WDR11: variants seen among roughly 807,000 people sequenced by gnomAD.
The protein encoded by WDR11 is WD repeat domain 11.
A neutral mutation model predicts 151.2 loss-of-function variants in WDR11; 83 were observed. That is an observed-to-expected ratio of 0.55 (90% CI 0.46 to 0.66). The LOEUF is 0.66. Among genes scored for constraint, WDR11 ranks in the 30% least tolerant of loss-of-function variants. The pLI is 0.00. For synonymous variants in WDR11, 484 were observed against 533.1 expected (o/e 0.91, Z 1.27); for missense variants, 1,301 against 1,480.9 (o/e 0.88, Z 1.99).
intron 8 of WDR11, 108 bp downstream of exon 8, chr10:120,866,872 T>C: frequency 7.6e-7 from 1 of 1,308,100 alleles, no homozygotes; most frequent in Non-Finnish European, 1.1e-6. Context: ...TAAAAATATT[T>C]TTAAGGTAAT....
chr10:120,890,444 C>A (rs1436236811), intron 18 of WDR11, among the ~76,000 whole-genome samples: 1 of 152,122 alleles, frequency 6.6e-6, no homozygotes, highest in Admixed American at 6.5e-5. Context: ...AAACTCCTGA[C>A]CTGAGGTGAT....
chr10:120,866,882 T>A, intron 8 of WDR11, 118 bp downstream of exon 8: 1 of 1,235,260 alleles, frequency 8.1e-7, no homozygotes, highest in African/African-American at 1.5e-5. Context: ...TTTAAGGTAA[T>A]AATTAAGGCT....
intron 26 of WDR11, 161 bp from the exon 27 acceptor site, chr10:120,905,715 C>A: frequency 7.7e-7 from 1 of 1,301,772 alleles, no homozygotes; most frequent in Admixed American, 2.0e-5. Flanking sequence ...AGGCACAGAC[C>A]GTTATCATTA....
chr10:120,881,612 TTG>T (rs1394435085), intron 13 of WDR11, among the ~76,000 whole-genome samples: 1 of 152,020 alleles, frequency 6.6e-6, no homozygotes, highest in Non-Finnish European at 1.5e-5. Context: ...TTTGTTTATT[TTG>T]TGTTTTCTTT....
Position 120,871,224 on chromosome 10 carries a change from T to C in WDR11, c.1349T>C (p.Val450Ala). 1 of 1,614,188 alleles carries C rather than the reference T, an allele frequency of 6.2e-7. No individual in the cohort carries two copies. The highest frequency in any genetic ancestry group is 2.2e-5 in the East Asian group (1 of 44,888). Residue 450 changes from valine to alanine, a missense_variant, in exon 10 of 29, where the codon GTG becomes GCG. By Grantham distance (64) the Val-to-Ala change is moderately conservative. Transcript: ENST00000263461. The stretch of plus-strand genomic sequence containing the variant: ...CCCAGAGGTTCAATTCTGCGGGAAG[T>C]GCACCTCAAGTTCCTGCTGACGGGA... ...EHPRGSILREVHLKFLLTGLL... is the reference protein window; with the variant it reads ...EHPRGSILREAHLKFLLTGLL...
chr10:120,904,271 GT>G (rs1847950248), intron 24 of WDR11, 129 bp downstream of exon 24: 1 of 748,174 alleles, frequency 1.3e-6, no homozygotes, highest in Admixed American at 2.5e-5. Flanking sequence ...CCTGTAGACA[GT>G]TTAGGCTTTC....
intron 7 of WDR11, 45 bp from the exon 8 acceptor site, chr10:120,866,522 GTA>G: frequency 6.2e-7 from 1 of 1,603,536 alleles, no homozygotes; most frequent in Non-Finnish European, 8.5e-7. Flanking sequence ...AACAGTAGTG[GTA>G]TCGATATGGC....
chr10:120,871,365 C>T lies in WDR11; in HGVS notation c.1471+19C>T, dbSNP rs74728918. ...GCTGTTGGTGAGTATTTGACCTGGT[C>T]TTTTTTTTTTTAACTCACTTTATAA... On this transcript the variant is annotated intron_variant, in intron 10 of 28. Transcript: ENST00000263461. The T allele has an allele frequency of 1.3e-4, 173 of 1,295,908 alleles. 1 individual carries two copies. In the South Asian group the frequency reaches 2.2e-3, roughly 16 times the overall value. The allele number at this position is 1,295,908 out of a possible 1,614,324, so 80.3% of individuals were successfully genotyped here. A position where few individuals can be genotyped will look rare whatever the true frequency, so the allele number is the denominator to read the frequency against.
chr10:120,863,591 ATTTT>A (rs1846212054), intron 5 of WDR11, among the ~76,000 whole-genome samples: 1 of 152,180 alleles, frequency 6.6e-6, no homozygotes, highest in African/African-American at 2.4e-5. Context: ...ATAAAAGTTT[ATTTT>A]AAGTAATTTG....
At chr10:120,897,450 C>T (rs1217585804) in intron 19 of WDR11, among the ~76,000 whole-genome samples, 8 of 152,154 alleles carry the variant, frequency 5.3e-5, no homozygotes, top group Admixed American at 2.6e-4. Flanking sequence ...GGAGAAGGTG[C>T]CCTGATAAGA....
chr10:120,874,191 TTGTTG>T (rs1213668421), intron 11 of WDR11, among the ~76,000 whole-genome samples: 6 of 63,712 alleles, frequency 9.4e-5, no homozygotes, highest in Admixed American at 2.3e-4. Flanking sequence ...TTTTTTTTTT[TTGTTG>T]TTGTTGTTGT....
chr10:120,905,558 C>T lies in WDR11; in HGVS notation c.3291+142C>T, dbSNP rs74158349. 6.8e-3 allele frequency: 6,217 copies of T among 915,332 alleles called. 286 individuals are homozygous for T. The African/African-American group carries it at 0.092, about 14-fold the overall frequency. The allele number at this position is 915,332 out of a possible 1,614,324, so 56.7% of individuals were successfully genotyped here. A position where few individuals can be genotyped will look rare whatever the true frequency, so the allele number is the denominator to read the frequency against. On this transcript the variant is annotated intron_variant, in intron 26 of 28. Coordinates refer to ENST00000263461, the MANE Select transcript of WDR11 (RefSeq NM_018117.12). ...ACTGTCTTGGAACCTTTATCCTTTT[C>T]CTATTCTTTATGAGTGTAAATTGCA... is the stretch of plus-strand genomic sequence containing the variant.
intron 16 of WDR11, among the ~76,000 whole-genome samples, chr10:120,887,965 TATTG>T (rs1285554450): frequency 3.3e-5 from 5 of 152,170 alleles, no homozygotes; most frequent in Non-Finnish European, 5.9e-5. Context: ...TTTATTATAA[TATTG>T]ATTTTTAAAT....
intron 3 of WDR11, among the ~76,000 whole-genome samples, chr10:120,859,235 A>G (rs1057153656): frequency 3.3e-5 from 5 of 150,714 alleles, no homozygotes; most frequent in Admixed American, 6.6e-5. Flanking sequence ...GTTTCATGTT[A>G]CTGACCTAAA....
chr10:120,863,033 A>G (rs1846193283), intron 5 of WDR11, 112 bp downstream of exon 5: 1 of 772,014 alleles, frequency 1.3e-6, no homozygotes, highest in Non-Finnish European at 2.1e-6. Flanking sequence ...TCTCATTTCT[A>G]ATTTTGAATT....
At chr10:120,856,315 C>T (rs1190333134) in intron 2 of WDR11, among the ~76,000 whole-genome samples, 1 of 152,032 alleles carries the variant, frequency 6.6e-6, no homozygotes, top group African/African-American at 2.4e-5. Flanking sequence ...TGGCTCACAC[C>T]TGTAATCCCA....
rs372949410 is a variant in WDR11 at position 120,904,117 on chromosome 10, C to T, written c.3002C>T (p.Thr1001Ile). The T allele has an allele frequency of 2.0e-4, 328 of 1,613,076 alleles. 2 individuals carry two copies. Among genetic ancestry groups the T allele is most frequent in the Non-Finnish European group, 2.7e-4 (313 of 1,179,334 alleles). Residue 1001 changes from threonine to isoleucine, a missense_variant, in exon 24 of 29, where the codon ACA (threonine) becomes ATA (isoleucine). Coordinates refer to ENST00000263461, the MANE Select transcript of WDR11 (RefSeq NM_018117.12). The part of the protein sequence containing the change: ...RSTYDHTRKC[T>I]DQLLLLGQTD... ...ACTTATGATCATACAAGGAAATGTA[C>T]AGACCAGCTACTGCTCTTGGGTCAA...
intron 12 of WDR11, chr10:120,880,577 T>C (rs1846964355): frequency 2.4e-6 from 1 of 418,126 alleles, no homozygotes; most frequent in South Asian, 2.3e-5. Flanking sequence ...GAAAATCACT[T>C]GAACCTGGGA....
At position 120,862,729 on chromosome 10, in the gene WDR11, A is replaced by C; in HGVS notation, c.527-6A>C. 1.2e-6 allele frequency: 2 copies of C among 1,614,058 alleles called. No individual in the cohort carries two copies. The highest frequency in any genetic ancestry group is 1.7e-4 in the Middle Eastern group (1 of 6,060). ...TTTAATCAGAGTTTTGCTTTTCTCA[A>C]TATAGTGCTTACCAGCGAGGGTATT... On this transcript the variant is annotated splice_region_variant and splice_polypyrimidine_tract_variant and intron_variant, in intron 4 of 28. Coordinates refer to ENST00000263461, the MANE Select transcript of WDR11 (RefSeq NM_018117.12).
Sources: gnomAD v4.1 joint callset for allele counts (sites outside exome capture counted in the v4.1 genomes callset) on GRCh38, gnomAD v4.1.1 for gene constraint, MANE v1.5 for transcripts, NCBI Gene and HGNC (gene_info 2026-07-23, HGNC 2026-07-21) for gene names.